The following GRID1 variants were observed in gnomAD, a reference collection of about 807,000 sequenced individuals.
The protein encoded by GRID1 is glutamate receptor ionotropic, delta-1.
A neutral mutation model predicts 98.0 loss-of-function variants in GRID1; 28 were observed. The observed-to-expected ratio is 0.29, with a 90% CI of 0.21 to 0.39. GRID1 has a LOEUF of 0.39. GRID1 is among the 10% of genes least tolerant of loss of function. GRID1 has a pLI of 1.00. For synonymous variants in GRID1, 553 were observed against 538.5 expected (o/e 1.03, Z -0.37); for missense variants, 1,111 against 1,340.5 (o/e 0.83, Z 2.67).
intron 12 of GRID1, among the ~76,000 whole-genome samples, chr10:85,666,157 T>C (rs1388270641): frequency 6.6e-6 from 1 of 152,244 alleles, no homozygotes; most frequent in African/African-American, 2.4e-5. Context: ...TATTATGCAC[T>C]AAATTTCCAG....
chr10:85,853,236 T>C (rs1024593266), intron 8 of GRID1, among the ~76,000 whole-genome samples: 1 of 152,116 alleles, frequency 6.6e-6, no homozygotes, highest in Non-Finnish European at 1.5e-5. Flanking sequence ...AACCAAAGAA[T>C]TCCCCCACCC....
chr10:85,630,096 A>G (rs1842958830), intron 13 of GRID1, among the ~76,000 whole-genome samples: 1 of 152,238 alleles, frequency 6.6e-6, no homozygotes, highest in Non-Finnish European at 1.5e-5. Context: ...AAACAACTCA[A>G]CAACAGCAAC....
intron 12 of GRID1, among the ~76,000 whole-genome samples, chr10:85,718,013 C>T (rs189015446): frequency 2.0e-5 from 3 of 152,342 alleles, no homozygotes; most frequent in Admixed American, 6.5e-5. Flanking sequence ...TGGGCAACTC[C>T]GCCCCTGTGG....
In GRID1 at chr10:85,854,701, C is replaced by A. The variant is rs1433186533; in HGVS notation, c.1114-86G>T. ...AGGCTAAGAGGAGCAAGGAAGTGGT[C>A]ACCAAGAACGGAGCAATCAGTTTTG... is the stretch of plus-strand genomic sequence containing the variant. On this transcript the variant is annotated intron_variant, in intron 7 of 15. Transcript: ENST00000327946. 26 of 1,399,024 alleles carry A rather than the reference C, an allele frequency of 1.9e-5. No individual in the cohort carries two copies. In the East Asian group the frequency reaches 5.5e-4, roughly 30 times the overall value. 86.7% of individuals were successfully genotyped at this position (1,399,024 alleles called of 1,614,324 possible).
chr10:85,921,237 G>A (rs1841699024), intron 4 of GRID1, among the ~76,000 whole-genome samples: 1 of 152,198 alleles, frequency 6.6e-6, no homozygotes, highest in Non-Finnish European at 1.5e-5. Flanking sequence ...TGACTTATGT[G>A]TATATCCACA....
intron 4 of GRID1, among the ~76,000 whole-genome samples, chr10:86,025,475 T>A (rs557200972): frequency 6.6e-6 from 1 of 152,194 alleles, no homozygotes; most frequent in Non-Finnish European, 1.5e-5. Flanking sequence ...GTAGCTTTCC[T>A]ACGATAGTAG....
At chr10:86,089,978 C>T (rs1260902454) in intron 4 of GRID1, among the ~76,000 whole-genome samples, 1 of 152,140 alleles carries the variant, frequency 6.6e-6, no homozygotes, top group African/African-American at 2.4e-5. Flanking sequence ...AACTCCTGAC[C>T]TCAGGTGATC....
rs545383296 is a variant in GRID1, at chr10:85,858,306, T to A, written c.952-2116A>T. ...GAGCTGAGGGGGAGTAGAAGGTCAGTGCCTGGTCTGACCTTCTTCAGGGGC... is the reference window on the plus strand; with the variant it reads ...GAGCTGAGGGGGAGTAGAAGGTCAGAGCCTGGTCTGACCTTCTTCAGGGGC... On this transcript the variant is annotated intron_variant, in intron 6 of 15. Coordinates refer to ENST00000327946, the MANE Select transcript of GRID1 (RefSeq NM_017551.3). 2.6e-5 allele frequency among the ~76,000 whole-genome samples: 4 copies of A among 152,222 alleles called. 1 individual carries two copies. Among genetic ancestry groups the A allele is most frequent in the Admixed American group, 2.6e-4 (4 of 15,292 alleles).
intron 7 of GRID1, 115 bp from the exon 8 acceptor site, chr10:85,854,730 C>A: frequency 1.0e-6 from 1 of 990,374 alleles, no homozygotes; most frequent in Non-Finnish European, 1.6e-6. Flanking sequence ...AGTTTTGAGA[C>A]CATGGACAGG....
At chr10:85,797,815 T>A (rs944169561) in intron 8 of GRID1, among the ~76,000 whole-genome samples, 6 of 152,184 alleles carry the variant, frequency 3.9e-5, no homozygotes, top group Admixed American at 3.9e-4. Flanking sequence ...CACTTATACA[T>A]GAGAATATGC....
intron 13 of GRID1, among the ~76,000 whole-genome samples, chr10:85,638,486 A>C (rs544856679): frequency 2.0e-5 from 3 of 152,194 alleles, no homozygotes; most frequent in Non-Finnish European, 4.4e-5. Flanking sequence ...TTTTATTGGC[A>C]TAAGAATAGT....
At chr10:85,770,823 T>C (rs1842257174) in intron 8 of GRID1, among the ~76,000 whole-genome samples, 1 of 152,156 alleles carries the variant, frequency 6.6e-6, no homozygotes, top group Non-Finnish European at 1.5e-5. Context: ...TATGGGACTA[T>C]GTGAAAAGAC....
At chr10:85,604,994 CTG>C (rs1842640603) in intron 15 of GRID1, among the ~76,000 whole-genome samples, 1 of 152,174 alleles carries the variant, frequency 6.6e-6, no homozygotes, top group Non-Finnish European at 1.5e-5. Flanking sequence ...GACAGTAAGA[CTG>C]AAGCTGAATC....
chr10:85,964,954 AC>A (rs1234704607), intron 4 of GRID1, among the ~76,000 whole-genome samples: 4 of 152,202 alleles, frequency 2.6e-5, no homozygotes, highest in Admixed American at 2.0e-4. Context: ...GAAAAAAACA[AC>A]CCCATCAAAA....
intron 2 of GRID1, among the ~76,000 whole-genome samples, chr10:86,208,328 A>G (rs1220154736): frequency 6.6e-6 from 1 of 152,154 alleles, no homozygotes; most frequent in Non-Finnish European, 1.5e-5. Context: ...ACAGTCCCCC[A>G]GATGCCCTGG....
intron 2 of GRID1, among the ~76,000 whole-genome samples, chr10:86,292,437 G>A (rs547388131): frequency 1.3e-3 from 205 of 152,350 alleles, no homozygotes; most frequent in Non-Finnish European, 2.5e-3. Flanking sequence ...CACCATGCCG[G>A]GAAGAAAGTC....
chr10:86,231,787 G>C (rs1846457183), intron 2 of GRID1, among the ~76,000 whole-genome samples: 1 of 152,178 alleles, frequency 6.6e-6, no homozygotes, highest in Non-Finnish European at 1.5e-5. Flanking sequence ...TGTATTTGGA[G>C]ACGCAGTGTC....
chr10:85,736,641 A>G (rs1841886338), intron 8 of GRID1, among the ~76,000 whole-genome samples: 1 of 152,142 alleles, frequency 6.6e-6, no homozygotes, highest in Non-Finnish European at 1.5e-5. Context: ...TAAAACAATA[A>G]GTCATCTACT....
At chr10:85,868,449 C>A (rs576271913) in intron 6 of GRID1, among the ~76,000 whole-genome samples, 4 of 152,180 alleles carry the variant, frequency 2.6e-5, no homozygotes, top group Admixed American at 6.5e-5. Context: ...TGACCAGAAA[C>A]ACTTGGTACC....
Sources: gnomAD v4.1 joint callset for allele counts (sites outside exome capture counted in the v4.1 genomes callset) on GRCh38, gnomAD v4.1.1 for gene constraint, MANE v1.5 for transcripts, NCBI Gene and HGNC (gene_info 2026-07-23, HGNC 2026-07-21) for gene names.